The following THSD7B variants were observed in gnomAD, a reference collection of about 807,000 sequenced individuals.
The protein encoded by THSD7B is thrombospondin type 1 domain containing 7B, also known as thrombospondin type-1 domain-containing protein 7B.
Under a neutral mutation model 213.6 loss-of-function variants are expected in THSD7B, and 138 were observed. The ratio of observed to expected loss-of-function variants is 0.65; its 90% CI spans 0.56 to 0.74. THSD7B has a LOEUF of 0.74. THSD7B is among the 30% of genes least tolerant of loss of function. THSD7B has a pLI of 0.00. For synonymous variants in THSD7B, 742 were observed against 687.0 expected (o/e 1.08, Z -1.25); for missense variants, 1,931 against 1,991.5 (o/e 0.97, Z 0.58).
intron 2 of THSD7B, among the ~76,000 whole-genome samples, chr2:136,952,434 C>CTTTTTTTTTTTT (rs35848268): frequency 1.6e-5 from 2 of 125,614 alleles, no homozygotes; most frequent in African/African-American, 3.0e-5. Context: ...GGGCAGAAAA[C>CTTTTTTTTTTTT]TTTTTTTTTT....
intron 12 of THSD7B, among the ~76,000 whole-genome samples, chr2:137,309,036 G>T (rs1683824744): frequency 6.6e-6 from 1 of 152,120 alleles, no homozygotes; most frequent in African/African-American, 2.4e-5. Context: ...GAGTCAAAGA[G>T]CAGGAATCTA....
At chr2:137,503,684 A>G (rs544379757) in intron 15 of THSD7B, among the ~76,000 whole-genome samples, 8 of 152,312 alleles carry the variant, frequency 5.3e-5, no homozygotes, top group African/African-American at 1.9e-4. Flanking sequence ...TGTGAACCCT[A>G]GTTCCCTCCT....
chr2:136,876,533 C>T lies in THSD7B; in HGVS notation c.-35-5611C>T, dbSNP rs370254438. ...ATAGCCTGGCTTCAGTCCACCATTC[C>T]GTAGAAGTGGAGTGAATGTCTATTG... On this transcript the variant is annotated intron_variant, in intron 1 of 27. Transcript: ENST00000409968. 1.8e-4 allele frequency among the ~76,000 whole-genome samples: 28 copies of T among 152,246 alleles called. No individual in the cohort carries two copies. In the East Asian group the frequency reaches 2.3e-3, roughly 13 times the overall value.
intron 21 of THSD7B, among the ~76,000 whole-genome samples, chr2:137,650,637 A>G (rs1683120914): frequency 6.6e-6 from 1 of 152,202 alleles, no homozygotes; most frequent in Non-Finnish European, 1.5e-5. Flanking sequence ...AAGTGGTAAA[A>G]GTAGGCATCC....
intron 2 of THSD7B, among the ~76,000 whole-genome samples, chr2:137,028,802 G>C (rs1686603434): frequency 6.6e-6 from 1 of 152,180 alleles, no homozygotes; most frequent in South Asian, 2.1e-4. Flanking sequence ...AAAATAGGTA[G>C]GAACTAGTCA....
intron 3 of THSD7B, among the ~76,000 whole-genome samples, chr2:137,094,614 T>C (rs1688005473): frequency 6.6e-6 from 1 of 151,566 alleles, no homozygotes; most frequent in African/African-American, 2.4e-5. Flanking sequence ...ATAATACGGA[T>C]AATACTGTTA....
At chr2:137,286,536 C>T (rs1683185745) in intron 12 of THSD7B, among the ~76,000 whole-genome samples, 1 of 152,242 alleles carries the variant, frequency 6.6e-6, no homozygotes, top group South Asian at 2.1e-4. Flanking sequence ...AGTCACTTAA[C>T]GTTTGAGCTG....
chr2:137,036,406 C>T (rs1686777272), intron 2 of THSD7B, among the ~76,000 whole-genome samples: 1 of 152,088 alleles, frequency 6.6e-6, no homozygotes, highest in Non-Finnish European at 1.5e-5. Context: ...ATTTCTCCTT[C>T]TCAGTTACAC....
At chr2:137,563,397 A>T in intron 16 of THSD7B, 43 bp downstream of exon 16, 1 of 1,604,450 alleles carries the variant, frequency 6.2e-7, no homozygotes, top group Non-Finnish European at 8.5e-7. Flanking sequence ...GGGAAGTGGA[A>T]CTTATACATT....
intron 15 of THSD7B, among the ~76,000 whole-genome samples, chr2:137,527,448 C>T (rs1680299972): frequency 6.6e-6 from 1 of 152,062 alleles, no homozygotes; most frequent in Admixed American, 6.6e-5. Flanking sequence ...ATAATTGATT[C>T]TGTCATAATA....
chr2:136,937,340 G>T (rs1272161031), intron 2 of THSD7B, among the ~76,000 whole-genome samples: 1 of 151,552 alleles, frequency 6.6e-6, no homozygotes, highest in Non-Finnish European at 1.5e-5. Flanking sequence ...CCCGCCACCC[G>T]CTGTTCTACC....
At chr2:137,564,574 A>T (rs2105225576) in intron 16 of THSD7B, among the ~76,000 whole-genome samples, 1 of 152,292 alleles carries the variant, frequency 6.6e-6, no homozygotes, top group South Asian at 2.1e-4. Context: ...TTGAAAAACG[A>T]TTGACCAACC....
chr2:137,425,645 G>C (rs1165834494), intron 14 of THSD7B, among the ~76,000 whole-genome samples: 1 of 152,146 alleles, frequency 6.6e-6, no homozygotes, highest in East Asian at 1.9e-4. Context: ...ATCCCCTGTA[G>C]AATACCCTGT....
At chr2:137,002,478 AT>A (rs763929281) in intron 2 of THSD7B, among the ~76,000 whole-genome samples, 3 of 152,186 alleles carry the variant, frequency 2.0e-5, no homozygotes, top group East Asian at 3.9e-4. Context: ...TCCAAAGTAG[AT>A]TTCCCCTTTG....
intron 12 of THSD7B, among the ~76,000 whole-genome samples, chr2:137,331,684 C>A (rs1684510155): frequency 6.6e-6 from 1 of 152,166 alleles, no homozygotes; most frequent in South Asian, 2.1e-4. Context: ...GAGGCTCTGG[C>A]CACACAGGAG....
rs531103117 is a variant in THSD7B at position 137,519,248 on chromosome 2, C to G, written c.3139-43973C>G. ...GCCTGGCAAGAGAGTGAGACTCCAT[C>G]TCAAAATAAATAAATAAATAAATAA... is the stretch of plus-strand genomic sequence containing the variant. On this transcript the variant is annotated intron_variant, in intron 15 of 27. Coordinates refer to ENST00000409968, the MANE Select transcript of THSD7B (RefSeq NM_001316349.2). 1.0e-4 allele frequency among the ~76,000 whole-genome samples: 8 copies of G among 78,120 alleles called. No individual in the cohort carries two copies. In the South Asian group the frequency reaches 3.6e-3, roughly 36 times the overall value. The allele number at this position is 78,120 out of a possible 152,430, so 51.2% of individuals were successfully genotyped here.
chr2:136,790,555 T>C (rs1222594680), intron 1 of THSD7B, among the ~76,000 whole-genome samples: 2 of 152,242 alleles, frequency 1.3e-5, no homozygotes, highest in Admixed American at 6.5e-5. Flanking sequence ...AATTATATAC[T>C]GCCTTGTATC....
At chr2:137,118,247 C>A (rs1358311910) in intron 5 of THSD7B, among the ~76,000 whole-genome samples, 4 of 152,138 alleles carry the variant, frequency 2.6e-5, no homozygotes, top group Non-Finnish European at 5.9e-5. Context: ...TTGGTAAGAA[C>A]ACTTTCTTCT....
chr2:137,299,137 A>G (rs1034749034), intron 12 of THSD7B, among the ~76,000 whole-genome samples: 2 of 152,198 alleles, frequency 1.3e-5, no homozygotes, highest in African/African-American at 4.8e-5. Context: ...TTGCATCAGC[A>G]TGATCTGAAA....
Sources: allele counts gnomAD v4.1 joint callset (sites outside exome capture counted in the v4.1 genomes callset), GRCh38; gene constraint gnomAD v4.1.1; transcripts MANE v1.5; gene names NCBI Gene and HGNC (gene_info 2026-07-23, HGNC 2026-07-21).